TENM4: variants seen among roughly 807,000 people sequenced by gnomAD.
TENM4 encodes teneurin transmembrane protein 4.
TENM4 carries 82 observed loss-of-function variants against 243.3 expected under a neutral mutation model. The observed-to-expected ratio is 0.34, with a 90% CI of 0.28 to 0.40. TENM4 has a LOEUF of 0.40. Ranked by LOEUF, TENM4 falls within the 10% of genes least tolerant of loss-of-function variation. TENM4 has a pLI of 1.00. For missense variants in TENM4, 3,138 were observed against 3,673.3 expected, an observed-to-expected ratio of 0.85 and a Z score of 3.77; for synonymous variants, 1,412 against 1,456.3, an observed-to-expected ratio of 0.97 and a Z score of 0.69.
chr11:78,955,896 C>T (rs1013096462), intron 6 of TENM4, among the ~76,000 whole-genome samples: 4 of 152,180 alleles, frequency 2.6e-5, no homozygotes, highest in Admixed American at 6.5e-5. Context: ...CCATAATGGT[C>T]TGCCCCAGGT....
chr11:79,406,714 G>A (rs1858581422), intron 1 of TENM4, among the ~76,000 whole-genome samples: 1 of 152,224 alleles, frequency 6.6e-6, no homozygotes, highest in Non-Finnish European at 1.5e-5. Context: ...TCTAAGCCTG[G>A]CAGCAAAGCA....
At chr11:79,062,550 T>C (rs1315358856) in intron 6 of TENM4, among the ~76,000 whole-genome samples, 1 of 152,228 alleles carries the variant, frequency 6.6e-6, no homozygotes, top group Admixed American at 6.5e-5. Context: ...TAAGAAGCCC[T>C]GCAGTAAAGA....
At chr11:79,246,293 C>G (rs1855513996) in intron 2 of TENM4, among the ~76,000 whole-genome samples, 1 of 152,128 alleles carries the variant, frequency 6.6e-6, no homozygotes, top group African/African-American at 2.4e-5. Flanking sequence ...AAACTGGGGC[C>G]TCCCTAGACC....
chr11:78,823,869 G>A, intron 12 of TENM4, among the ~76,000 whole-genome samples: 1 of 152,176 alleles, frequency 6.6e-6, no homozygotes, highest in East Asian at 1.9e-4. Context: ...TGGAGGCTTT[G>A]ATAATAGCTG....
intron 2 of TENM4, among the ~76,000 whole-genome samples, chr11:79,226,088 T>C (rs1057097799): frequency 6.6e-6 from 1 of 152,186 alleles, no homozygotes; most frequent in Non-Finnish European, 1.5e-5. Context: ...GTGTTTTCTT[T>C]AATCTAGTAA....
rs1237155433 is a variant in TENM4, at chr11:79,356,175, G to A, written c.-320-58632C>T. Among the ~76,000 whole-genome samples, 9 of 152,192 alleles carry A rather than the reference G, an allele frequency of 5.9e-5. 1 individual carries two copies. The South Asian group carries it at 1.0e-3, about 18-fold the overall frequency. On this transcript the variant is annotated intron_variant, in intron 1 of 33. Coordinates refer to ENST00000278550, the MANE Select transcript of TENM4 (RefSeq NM_001098816.3). ...TTGCATCTGGACGTGAATCCAAGGA[G>A]AGGACCTAGAACTTCTCTCCCTTCT...
chr11:78,844,286 T>C (rs555367874), intron 12 of TENM4, among the ~76,000 whole-genome samples: 26 of 152,308 alleles, frequency 1.7e-4, no homozygotes, highest in Middle Eastern at 3.4e-3. Flanking sequence ...TATATGGAGA[T>C]AACAAAGGTT....
chr11:79,133,344 C>T (rs10793369), intron 4 of TENM4, among the ~76,000 whole-genome samples: 138,456 of 152,184 alleles, frequency 0.91, 63,939 homozygotes, highest in Middle Eastern at 0.99. Flanking sequence ...AGTAGCGAAA[C>T]TGCAATGATA....
In TENM4 at chr11:78,697,266, G is replaced by A. The variant is rs1173687066; in HGVS notation, c.5087+4260C>T. On this transcript the variant is annotated intron_variant, in intron 28 of 33. Transcript: ENST00000278550. ...CATCCCAGCTGAACTCTTTCTCCCC[G>A]GAGCTGGTGCATCTGCCCACAAGCA... Among the ~76,000 whole-genome samples the A allele has an allele frequency of 3.9e-5, 6 of 152,190 alleles. 1 individual carries two copies. The highest frequency in any genetic ancestry group is 1.9e-4 in the East Asian group (1 of 5,160).
intron 4 of TENM4, among the ~76,000 whole-genome samples, chr11:79,119,972 G>A (rs4945327): frequency 0.39 from 59,631 of 152,048 alleles, 13,139 homozygotes; most frequent in Non-Finnish European, 0.51. Flanking sequence ...GTTGGCACCA[G>A]GCCACAGGCA....
At chr11:78,938,527 AT>A (rs200161507) in intron 6 of TENM4, among the ~76,000 whole-genome samples, 28 of 151,738 alleles carry the variant, frequency 1.8e-4, no homozygotes, top group East Asian at 3.9e-4. Flanking sequence ...TTCATAGTCA[AT>A]TTTTTTTTAA....
At chr11:78,725,599 G>A (rs1337731120) in intron 23 of TENM4, among the ~76,000 whole-genome samples, 1 of 152,136 alleles carries the variant, frequency 6.6e-6, no homozygotes, top group African/African-American at 2.4e-5. Context: ...CTTCTCTCCA[G>A]TAACTTTCTT....
chr11:78,709,855 T>G (rs1426601305), intron 26 of TENM4, among the ~76,000 whole-genome samples: 1 of 152,158 alleles, frequency 6.6e-6, no homozygotes, highest in African/African-American at 2.4e-5. Flanking sequence ...ACAGGGTGCT[T>G]TAATAGTGTA....
chr11:79,422,247 T>TCACACACACACACACACACA (rs1858948430), intron 1 of TENM4: 1 of 75,130 alleles, frequency 1.3e-5, no homozygotes. Flanking sequence ...CACATGGTTC[T>TCACACACACACACACACACA]TACACACACA....
chr11:79,028,944 C>A (rs984582820), intron 6 of TENM4, among the ~76,000 whole-genome samples: 3 of 152,068 alleles, frequency 2.0e-5, no homozygotes, highest in Admixed American at 1.3e-4. Flanking sequence ...TATGTGTACA[C>A]CATTAAGATT....
intron 4 of TENM4, among the ~76,000 whole-genome samples, chr11:79,099,115 A>G (rs778614441): frequency 4.6e-5 from 7 of 152,086 alleles, no homozygotes; most frequent in Non-Finnish European, 8.8e-5. Flanking sequence ...TGCCACAAGG[A>G]CCTCTGAGCC....
chr11:79,208,160 G>T (rs1017859562), intron 3 of TENM4, among the ~76,000 whole-genome samples: 5 of 152,132 alleles, frequency 3.3e-5, no homozygotes, highest in Non-Finnish European at 5.9e-5. Flanking sequence ...GCATCTCAAT[G>T]GCCAGCAGAG....
intron 1 of TENM4, among the ~76,000 whole-genome samples, chr11:79,305,366 T>C (rs780806838): frequency 3.3e-5 from 5 of 151,656 alleles, no homozygotes; most frequent in African/African-American, 4.9e-5. Flanking sequence ...GCTTTTACCA[T>C]TTCTACTACT....
chr11:78,844,675 T>C (rs1381299049), intron 12 of TENM4, among the ~76,000 whole-genome samples: 1 of 150,148 alleles, frequency 6.7e-6, no homozygotes, highest in Non-Finnish European at 1.5e-5. Context: ...ACCAGAGATC[T>C]CTTTCCCTCC....
Sources: gnomAD v4.1 joint callset for allele counts (sites outside exome capture counted in the v4.1 genomes callset) on GRCh38, gnomAD v4.1.1 for gene constraint, MANE v1.5 for transcripts, NCBI Gene and HGNC (gene_info 2026-07-23, HGNC 2026-07-21) for gene names.